The following WIPF1 variants were observed in gnomAD, a reference collection of about 807,000 sequenced individuals.
WIPF1 encodes the protein WAS/WASL interacting protein family member 1.
A neutral mutation model predicts 35.4 loss-of-function variants in WIPF1; 13 were observed. That is an observed-to-expected ratio of 0.37 (90% confidence interval 0.24 to 0.58). The LOEUF is 0.58. WIPF1 is among the 20% of genes least tolerant of loss of function. The pLI is 0.74. For missense variants in WIPF1, 591 were observed against 667.0 expected (o/e 0.89, Z 1.25); for synonymous variants, 267 against 266.3 (o/e 1.00, Z -0.02).
rs1685581187 is a variant in WIPF1 at position 174,590,888 on chromosome 2, A to G, written c.-38-5277T>C. 6.6e-6 allele frequency among the ~76,000 whole-genome samples: 1 copy of G among 152,148 alleles called. No homozygotes were observed. Among genetic ancestry groups the G allele is most frequent in the Non-Finnish European group, 1.5e-5 (1 of 68,038 alleles). ...GTTGACTTCTACAAACACAAAGAAAACTCAAGGGACAGAAAAGGCTTTTGT... is the reference window on the plus strand; with the variant it reads ...GTTGACTTCTACAAACACAAAGAAAGCTCAAGGGACAGAAAAGGCTTTTGT... On this transcript the variant is annotated intron_variant, in intron 1 of 7. Transcript: ENST00000679041. The surrounding 1 kb of genome is among the most constrained non-coding windows in gnomAD (Gnocchi z 4.6).
intron 1 of WIPF1, among the ~76,000 whole-genome samples, chr2:174,654,298 ATTTC>A (rs1177299733): frequency 7.9e-5 from 12 of 152,264 alleles, no homozygotes; most frequent in African/African-American, 2.2e-4. Context: ...GTTCTACTAA[ATTTC>A]TTTTTCATTC....
chr2:174,677,768 G>T (rs1688165974), intron 1 of WIPF1, among the ~76,000 whole-genome samples: 1 of 152,192 alleles, frequency 6.6e-6, no homozygotes, highest in South Asian at 2.1e-4. Flanking sequence ...ATGAAGAGAA[G>T]GGGCAGTGTG....
chr2:174,575,346 A>G lies in WIPF1; in HGVS notation c.216T>C (p.Gly72=), dbSNP rs1388656698. The G allele has an allele frequency of 3.1e-6, 5 of 1,613,032 alleles. No individual in the cohort carries two copies. In the East Asian group the frequency reaches 8.9e-5, roughly 29 times the overall value. ...PKGAGAGGGG[G]GFGGGGGFGG... Reference sequence around the variant, plus strand: ...CAAATCCGCCGCCTCCACCAAAGCCACCACCACCGCCTCCAGCACCAGCTC... The same window carrying G: ...CAAATCCGCCGCCTCCACCAAAGCCGCCACCACCGCCTCCAGCACCAGCTC... Residue 72 remains glycine (G), a synonymous_variant, in exon 4 of 8, where the codon GGT becomes GGC. Transcript: ENST00000679041.
At chr2:174,670,794 A>G (rs1268108173) in intron 1 of WIPF1, among the ~76,000 whole-genome samples, 1 of 152,266 alleles carries the variant, frequency 6.6e-6, no homozygotes, top group Non-Finnish European at 1.5e-5. Flanking sequence ...CCCCGCATTA[A>G]GTATTTGTAT....
At chr2:174,609,277 C>T (rs1352039372) in intron 1 of WIPF1, among the ~76,000 whole-genome samples, 1 of 152,224 alleles carries the variant, frequency 6.6e-6, no homozygotes. Flanking sequence ...GACCTTAACT[C>T]CAATTTATAC....
At chr2:174,618,629 T>C (rs996039274) in intron 1 of WIPF1, among the ~76,000 whole-genome samples, 3 of 152,224 alleles carry the variant, frequency 2.0e-5, no homozygotes, top group Admixed American at 6.5e-5. Flanking sequence ...TATCAACTCA[T>C]TCAATTCTCA....
intron 1 of WIPF1, among the ~76,000 whole-genome samples, chr2:174,621,785 C>T (rs1686684424): frequency 6.6e-6 from 1 of 151,968 alleles, no homozygotes; most frequent in South Asian, 2.1e-4. Context: ...GTGAATTTTC[C>T]ACTCATGACC....
At chr2:174,609,451 A>G (rs1374891320) in intron 1 of WIPF1, among the ~76,000 whole-genome samples, 2 of 152,164 alleles carry the variant, frequency 1.3e-5, no homozygotes, top group Admixed American at 6.5e-5. Flanking sequence ...GGTGTTACTG[A>G]AGTCTTTAAC....
At chr2:174,653,018 A>G (rs1687566186) in intron 1 of WIPF1, among the ~76,000 whole-genome samples, 1 of 152,226 alleles carries the variant, frequency 6.6e-6, no homozygotes, top group African/African-American at 2.4e-5. Flanking sequence ...TAACAAACAT[A>G]TAATGAGAAT....
intron 7 of WIPF1, among the ~76,000 whole-genome samples, chr2:174,564,251 G>T: frequency 6.6e-6 from 1 of 152,086 alleles, no homozygotes; most frequent in East Asian, 1.9e-4. Context: ...TATTAAACAT[G>T]CCTAATGCTG....
chr2:174,568,158 C>T lies in WIPF1; in HGVS notation c.1130-85G>A, dbSNP rs147238026. The T allele has an allele frequency of 4.3e-4, 606 of 1,410,704 alleles. 1 individual carries two copies. The highest frequency in any genetic ancestry group is 5.4e-4 in the Non-Finnish European group (572 of 1,053,706). 87.4% of individuals were successfully genotyped at this position (1,410,704 alleles called of 1,614,324 possible). A position where few individuals can be genotyped will look rare whatever the true frequency, so the allele number is the denominator to read the frequency against. Reference sequence around the variant, plus strand: ...ACCATTGGTGTACAGCTGATGAGGACTTGCTGGACACATGCCCTTTAATTA... The same window carrying T: ...ACCATTGGTGTACAGCTGATGAGGATTTGCTGGACACATGCCCTTTAATTA... On this transcript the variant is annotated intron_variant, in intron 5 of 7. Transcript: ENST00000679041.
chr2:174,586,626 C>T (rs993715189), intron 1 of WIPF1, among the ~76,000 whole-genome samples: 21 of 152,252 alleles, frequency 1.4e-4, no homozygotes, highest in Admixed American at 1.3e-3. Flanking sequence ...CTAATCCTTG[C>T]AGTCCTGTTC....
At chr2:174,602,690 G>T (rs560837129), upstream of WIPF1, among the ~76,000 whole-genome samples, 1 of 152,144 alleles carries the variant, frequency 6.6e-6, no homozygotes, top group African/African-American at 2.4e-5. Context: ...CTACATACAG[G>T]GTTGATCATT....
At chr2:174,635,669 A>T (rs1474443166) in intron 1 of WIPF1, among the ~76,000 whole-genome samples, 3 of 151,650 alleles carry the variant, frequency 2.0e-5, no homozygotes, top group Non-Finnish European at 2.9e-5. Flanking sequence ...TCCACAATTT[A>T]TAAGACTTGA....
intron 1 of WIPF1, among the ~76,000 whole-genome samples, chr2:174,613,397 C>T (rs1686411473): frequency 6.6e-6 from 1 of 152,160 alleles, no homozygotes; most frequent in Non-Finnish European, 1.5e-5. Context: ...GAGCACAGGT[C>T]ATTCAAAGCA....
At chr2:174,656,044 G>A (rs1687633507) in intron 1 of WIPF1, 2 of 152,224 alleles carry the variant, frequency 1.3e-5, no homozygotes, top group Admixed American at 1.3e-4. Flanking sequence ...TGTGATCCTA[G>A]CCACCAGTAA....
chr2:174,633,782 C>T (rs771730832), intron 1 of WIPF1, among the ~76,000 whole-genome samples: 11 of 152,134 alleles, frequency 7.2e-5, no homozygotes, highest in African/African-American at 1.9e-4. Context: ...CTCTGGCAAC[C>T]GTCACACCTC....
intron 1 of WIPF1, among the ~76,000 whole-genome samples, chr2:174,591,056 T>G (rs1026805253): frequency 6.6e-6 from 1 of 152,054 alleles, no homozygotes; most frequent in African/African-American, 2.4e-5. Flanking sequence ...GGCCATTGGG[T>G]GAGATCTTAA....
At chr2:174,638,536 C>T (rs1487327470) in intron 1 of WIPF1, among the ~76,000 whole-genome samples, 6 of 152,114 alleles carry the variant, frequency 3.9e-5, no homozygotes, top group Non-Finnish European at 7.4e-5. Flanking sequence ...TACCTGTTGA[C>T]CCCATCTTCC....
Sources: allele counts gnomAD v4.1 joint callset (sites outside exome capture counted in the v4.1 genomes callset), GRCh38; gene constraint gnomAD v4.1.1; non-coding constraint Gnocchi (gnomAD v3.1); transcripts MANE v1.5; gene names NCBI Gene and HGNC (gene_info 2026-07-23, HGNC 2026-07-21).